Variants in NCKAP5 observed in about 807,000 individuals in gnomAD.
NCKAP5 encodes the protein nck-associated protein 5.
A neutral mutation model predicts 167.0 loss-of-function variants in NCKAP5; 92 were observed. That is an observed-to-expected ratio of 0.55 (90% CI 0.47 to 0.66). The LOEUF (loss-of-function observed/expected upper bound fraction) is 0.66, where lower values mean the gene tolerates loss of function less well. Among genes scored for constraint, NCKAP5 ranks in the 30% least tolerant of loss-of-function variants. The pLI, the probability that NCKAP5 is intolerant of heterozygous loss-of-function variation, is 0.00. For synonymous variants in NCKAP5, 891 were observed against 877.4 expected (o/e 1.02, Z -0.27); for missense variants, 2,378 against 2,315.0 (o/e 1.03, Z -0.56).
At chr2:133,401,480 G>A (rs1688094894) in intron 3 of NCKAP5, among the ~76,000 whole-genome samples, 1 of 152,122 alleles carries the variant, frequency 6.6e-6, no homozygotes, top group Admixed American at 6.6e-5. Context: ...ACTTGAAATG[G>A]GGGCAGTCTA....
At chr2:133,634,090 A>T in the NCKAP5 span, among the ~76,000 whole-genome samples, 1 of 152,216 alleles carries the variant, frequency 6.6e-6, no homozygotes, top group Non-Finnish European at 1.5e-5. Context: ...TTATCTATTA[A>T]GCCTCTCTCT....
At chr2:132,842,874 A>G (rs1347480581) in intron 11 of NCKAP5, among the ~76,000 whole-genome samples, 1 of 151,518 alleles carries the variant, frequency 6.6e-6, no homozygotes, top group Non-Finnish European at 1.5e-5. Flanking sequence ...TAAATTTTCT[A>G]TTTTTGCTGT....
At chr2:133,290,820 C>A (rs922654779) in intron 4 of NCKAP5, among the ~76,000 whole-genome samples, 17 of 140,494 alleles carry the variant, frequency 1.2e-4, no homozygotes, top group South Asian at 9.0e-4. Context: ...GTGGCAGGAA[C>A]AAAGCTCACT....
At chr2:133,186,417 T>C (rs1035310475) in intron 5 of NCKAP5, among the ~76,000 whole-genome samples, 4 of 152,168 alleles carry the variant, frequency 2.6e-5, no homozygotes, top group African/African-American at 9.6e-5. Flanking sequence ...TGCGGTTTTC[T>C]GTTTTCACTG....
chr2:132,813,582 C>G (rs938386335), intron 11 of NCKAP5, among the ~76,000 whole-genome samples: 2 of 152,168 alleles, frequency 1.3e-5, no homozygotes, highest in Non-Finnish European at 2.9e-5. Flanking sequence ...TCCGTAATTG[C>G]TAATCCTGAA....
At chr2:132,955,765 C>T (rs2076322587) in intron 8 of NCKAP5, among the ~76,000 whole-genome samples, 1 of 152,174 alleles carries the variant, frequency 6.6e-6, no homozygotes, top group Middle Eastern at 3.2e-3. Flanking sequence ...CTAATTTACA[C>T]TCCCAAAAAC....
intron 3 of NCKAP5, among the ~76,000 whole-genome samples, chr2:133,312,754 C>G (rs1216330963): frequency 1.3e-5 from 2 of 152,130 alleles, no homozygotes; most frequent in Non-Finnish European, 2.9e-5. Context: ...GTATTTTGGG[C>G]TTTCTTTGTT....
chr2:133,562,005 T>G (rs1454318740), intron 1 of NCKAP5, among the ~76,000 whole-genome samples: 2 of 152,106 alleles, frequency 1.3e-5, no homozygotes, highest in African/African-American at 4.8e-5. Flanking sequence ...TAATTAAAAC[T>G]GCGATATAAT....
At chr2:133,334,384 C>T (rs569617329) in intron 3 of NCKAP5, among the ~76,000 whole-genome samples, 4 of 152,222 alleles carry the variant, frequency 2.6e-5, no homozygotes, top group Middle Eastern at 3.4e-3. Flanking sequence ...GCATGCCATG[C>T]GACAGATGCT....
chr2:133,250,709 G>C (rs2088270657), intron 4 of NCKAP5, among the ~76,000 whole-genome samples: 1 of 151,734 alleles, frequency 6.6e-6, no homozygotes, highest in African/African-American at 2.4e-5. Flanking sequence ...GAGCCAAGGA[G>C]GGAGGATCAC....
chr2:133,034,119 C>T lies in NCKAP5; in HGVS notation c.342-39880G>A, dbSNP rs555790709. On this transcript the variant is annotated intron_variant, in intron 6 of 19. Transcript: ENST00000409261. ...GATAAAGAAAGGATCCTAAAAACAGCGAGAGAAAAGAAACAATTAACATAA... is the reference window on the plus strand; with the variant it reads ...GATAAAGAAAGGATCCTAAAAACAGTGAGAGAAAAGAAACAATTAACATAA... Among the ~76,000 whole-genome samples the T allele has an allele frequency of 3.1e-4, 47 of 151,972 alleles. No homozygotes were observed. The Middle Eastern group carries it at 0.014, about 44-fold the overall frequency.
At chr2:133,008,758 T>C (rs1176294049) in intron 6 of NCKAP5, among the ~76,000 whole-genome samples, 1 of 152,092 alleles carries the variant, frequency 6.6e-6, no homozygotes. Flanking sequence ...AAAGTCAATT[T>C]AAAAGGCTGC....
At chr2:133,294,024 G>A (rs1418934661) in intron 4 of NCKAP5, among the ~76,000 whole-genome samples, 1 of 152,198 alleles carries the variant, frequency 6.6e-6, no homozygotes, top group African/African-American at 2.4e-5. Flanking sequence ...GAAACCATGT[G>A]CTGTTATTGA....
intron 5 of NCKAP5, among the ~76,000 whole-genome samples, chr2:133,181,884 T>C (rs1339183657): frequency 6.6e-6 from 1 of 152,016 alleles, no homozygotes; most frequent in Non-Finnish European, 1.5e-5. Flanking sequence ...TCACTTAAAA[T>C]AATATAATGA....
At chr2:133,029,285 G>GATA (rs2078800297) in intron 6 of NCKAP5, among the ~76,000 whole-genome samples, 1 of 152,124 alleles carries the variant, frequency 6.6e-6, no homozygotes, top group African/African-American at 2.4e-5. Flanking sequence ...TATCACTGTG[G>GATA]TAAGTAAGTA....
chr2:132,731,990 C>T lies in NCKAP5; in HGVS notation c.5190G>A (p.Ser1730=), dbSNP rs771207786. 43 of 1,613,630 alleles carry T rather than the reference C, an allele frequency of 2.7e-5. No individual in the cohort carries two copies. The highest frequency in any genetic ancestry group is 3.5e-5 in the Non-Finnish European group (41 of 1,179,846). ...GGTAGCGTCCTGTCGAGCGATTTCC[C>T]GAGTCTGGGAGTGGAAAGGTTCCGA... is the stretch of plus-strand genomic sequence containing the variant. ...SGIGTFPLPD[S]GNRSTGRYLC... is the part of the protein sequence containing the mutation. Residue 1730 remains serine (S), a synonymous_variant, in exon 17 of 20, where the codon TCG becomes TCA. Coordinates refer to ENST00000409261, the MANE Select transcript of NCKAP5 (RefSeq NM_207363.3).
intron 6 of NCKAP5, among the ~76,000 whole-genome samples, chr2:133,067,632 C>T (rs1365161191): frequency 6.6e-6 from 1 of 152,206 alleles, no homozygotes; most frequent in Non-Finnish European, 1.5e-5. Context: ...TCAAAATAGA[C>T]TGTCTTCCAG....
At chr2:132,817,776 T>C (rs1239663469) in intron 11 of NCKAP5, among the ~76,000 whole-genome samples, 1 of 152,122 alleles carries the variant, frequency 6.6e-6, no homozygotes, top group East Asian at 1.9e-4. Flanking sequence ...CACCCACAAC[T>C]GACCATACAA....
chr2:132,775,273 T>G (rs937874817), intron 15 of NCKAP5, among the ~76,000 whole-genome samples: 2 of 152,250 alleles, frequency 1.3e-5, no homozygotes, highest in Non-Finnish European at 2.9e-5. Flanking sequence ...TTGCCTCCTA[T>G]TTTTCATACT....
Sources: gnomAD v4.1 joint callset for allele counts (sites outside exome capture counted in the v4.1 genomes callset) on GRCh38, gnomAD v4.1.1 for gene constraint, MANE v1.5 for transcripts, NCBI Gene and HGNC (gene_info 2026-07-23, HGNC 2026-07-21) for gene names.